Variants in RALGPS2 observed in about 807,000 individuals in gnomAD.
RALGPS2 encodes ras-specific guanine nucleotide-releasing factor RalGPS2.
Under a neutral mutation model 86.8 loss-of-function variants are expected in RALGPS2, and 43 were observed. That is an observed-to-expected ratio of 0.50 (90% CI 0.39 to 0.64). The LOEUF is 0.64. Ranked by LOEUF, RALGPS2 falls within the 30% of genes least tolerant of loss-of-function variation. RALGPS2 has a pLI of 0.00. For missense variants in RALGPS2, 536 were observed against 694.6 expected, an observed-to-expected ratio of 0.77 and a Z score of 2.57; for synonymous variants, 243 against 231.3, an observed-to-expected ratio of 1.05 and a Z score of -0.46.
In RALGPS2 at chr1:178,889,623, G is replaced by A. The variant is rs1415358342; in HGVS notation, c.1193-19G>A. 7 of 1,563,002 alleles carry A rather than the reference G, an allele frequency of 4.5e-6. No homozygotes were observed. The highest frequency in any genetic ancestry group is 4.1e-5 in the African/African-American group (3 of 73,142). On this transcript the variant is annotated intron_variant, in intron 13 of 19. Coordinates refer to ENST00000367635, the MANE Select transcript of RALGPS2 (RefSeq NM_152663.5). ...AGGTAATTCTGATGTTTAAAAAATAGGATAACTTTTCATTTTAGGTAGCAG... is the reference window on the plus strand; with the variant it reads ...AGGTAATTCTGATGTTTAAAAAATAAGATAACTTTTCATTTTAGGTAGCAG...
At chr1:178,748,850 CAA>C (rs568753748) in intron 1 of RALGPS2, among the ~76,000 whole-genome samples, 23 of 97,406 alleles carry the variant, frequency 2.4e-4, no homozygotes, top group Admixed American at 3.1e-4. Context: ...GACTCTGTCT[CAA>C]AAAAAAAAAA....
In RALGPS2 at chr1:178,889,627, A is replaced by T. The variant is rs960688171; in HGVS notation, c.1193-15A>T. The T allele has an allele frequency of 6.3e-7, 1 of 1,579,164 alleles. No individual in the cohort carries two copies. The highest frequency in any genetic ancestry group is 1.7e-5 in the Admixed American group (1 of 58,236). ...AATTCTGATGTTTAAAAAATAGGAT[A>T]ACTTTTCATTTTAGGTAGCAGCGAT... On this transcript the variant is annotated splice_polypyrimidine_tract_variant and intron_variant, in intron 13 of 19. Coordinates refer to ENST00000367635, the MANE Select transcript of RALGPS2 (RefSeq NM_152663.5).
intron 2 of RALGPS2, among the ~76,000 whole-genome samples, chr1:178,777,835 G>A (rs1294867179): frequency 2.0e-5 from 3 of 149,258 alleles, no homozygotes; most frequent in East Asian, 2.0e-4. Context: ...AAACTGGCTA[G>A]CCATATGTAG....
chr1:178,767,314 T>C (rs1295367250), intron 1 of RALGPS2, among the ~76,000 whole-genome samples: 1 of 151,718 alleles, frequency 6.6e-6, no homozygotes, highest in Non-Finnish European at 1.5e-5. Flanking sequence ...TTCTCATCCA[T>C]GTGGGCTGAT....
intron 13 of RALGPS2, among the ~76,000 whole-genome samples, chr1:178,886,951 C>T (rs1659514723): frequency 1.3e-5 from 2 of 152,010 alleles, no homozygotes; most frequent in Non-Finnish European, 2.9e-5. Flanking sequence ...AGAGTTGCTT[C>T]ATGGAAGTGT....
At chr1:178,729,632 C>T (rs979440751) in intron 1 of RALGPS2, among the ~76,000 whole-genome samples, 3 of 152,192 alleles carry the variant, frequency 2.0e-5, no homozygotes, top group Non-Finnish European at 2.9e-5. Context: ...TGAGTGCCAG[C>T]ATGACTCTCA....
chr1:178,830,849 A>G (rs147032388), intron 7 of RALGPS2, among the ~76,000 whole-genome samples: 2 of 152,316 alleles, frequency 1.3e-5, no homozygotes, highest in African/African-American at 4.8e-5. Flanking sequence ...TAGTTGTCCA[A>G]CTAGAATGTG....
chr1:178,839,730 G>C (rs1300988897), intron 8 of RALGPS2, among the ~76,000 whole-genome samples: 2 of 152,186 alleles, frequency 1.3e-5, no homozygotes, highest in Non-Finnish European at 2.9e-5. Flanking sequence ...TGGATAAAGA[G>C]TGAAGACCCA....
At chr1:178,777,831 G>C (rs979336427) in intron 2 of RALGPS2, among the ~76,000 whole-genome samples, 2 of 149,508 alleles carry the variant, frequency 1.3e-5, no homozygotes. Context: ...GGGAAAACTG[G>C]CTAGCCATAT....
chr1:178,864,328 A>G (rs1021961481), intron 8 of RALGPS2, among the ~76,000 whole-genome samples: 2 of 152,100 alleles, frequency 1.3e-5, no homozygotes, highest in African/African-American at 4.8e-5. Context: ...CACAGTACTA[A>G]TTGTTTAGCC....
chr1:178,838,564 T>C (rs1434989655), intron 8 of RALGPS2, among the ~76,000 whole-genome samples: 2 of 151,844 alleles, frequency 1.3e-5, no homozygotes, highest in Non-Finnish European at 2.9e-5. Flanking sequence ...ACCACAAAGA[T>C]GGGGAAAAAA....
intron 8 of RALGPS2, among the ~76,000 whole-genome samples, chr1:178,875,393 G>A (rs111513474): frequency 1.3e-5 from 2 of 152,182 alleles, no homozygotes; most frequent in East Asian, 1.9e-4. Context: ...ATCTTGAGGC[G>A]TGGGATCAGA....
intron 1 of RALGPS2, chr1:178,726,027 TCGGGCCGGGCGCG>T (rs1281912707): frequency 5.3e-5 from 8 of 152,102 alleles, no homozygotes; most frequent in African/African-American, 1.9e-4. Context: ...TGTGCTGGCC[TCGGGCCGGGCGCG>T]CGGGCCGGGT....
intron 13 of RALGPS2, among the ~76,000 whole-genome samples, chr1:178,887,905 C>T (rs1052164710): frequency 2.0e-5 from 3 of 152,040 alleles, no homozygotes; most frequent in African/African-American, 7.2e-5. Flanking sequence ...ATTTTCTACA[C>T]GTCCATGGAA....
intron 1 of RALGPS2, among the ~76,000 whole-genome samples, chr1:178,731,271 G>GTTTTTTTTTTTT (rs1491268143): frequency 1.2e-4 from 8 of 69,376 alleles, no homozygotes; most frequent in African/African-American, 3.6e-4. Context: ...TAGTTGTTTT[G>GTTTTTTTTTTTT]GTTTTTTTTT....
intron 8 of RALGPS2, among the ~76,000 whole-genome samples, chr1:178,859,983 C>A (rs1401142541): frequency 6.6e-6 from 1 of 151,972 alleles, no homozygotes; most frequent in Non-Finnish European, 1.5e-5. Context: ...ACACAAAGCA[C>A]TTCTACCTGT....
At chr1:178,871,481 A>G (rs1218918954) in intron 8 of RALGPS2, among the ~76,000 whole-genome samples, 2 of 151,640 alleles carry the variant, frequency 1.3e-5, no homozygotes, top group Non-Finnish European at 2.9e-5. Flanking sequence ...AAATAATGTA[A>G]TAAATACTCT....
chr1:178,898,119 A>G (rs928964503), intron 17 of RALGPS2, among the ~76,000 whole-genome samples: 2 of 152,000 alleles, frequency 1.3e-5, no homozygotes, highest in Non-Finnish European at 2.9e-5. Context: ...TCTTCCCAAC[A>G]ATGAAGAGGA....
intron 19 of RALGPS2, among the ~76,000 whole-genome samples, chr1:178,908,380 A>C (rs1572473860): frequency 6.6e-6 from 1 of 152,164 alleles, no homozygotes; most frequent in African/African-American, 2.4e-5. Context: ...TATAGTGTAT[A>C]CTGCTGGGAT....
Sources: gnomAD v4.1 joint callset for allele counts (sites outside exome capture counted in the v4.1 genomes callset) on GRCh38, gnomAD v4.1.1 for gene constraint, MANE v1.5 for transcripts, NCBI Gene and HGNC (gene_info 2026-07-23, HGNC 2026-07-21) for gene names.